Variants in RAB11FIP3 observed in about 807,000 individuals in gnomAD.
RAB11FIP3 encodes rab11 family-interacting protein 3.
In RAB11FIP3, 17 loss-of-function variants were observed where a neutral mutation model predicts 77.8. The observed-to-expected ratio is 0.22, with a 90% CI of 0.15 to 0.33. RAB11FIP3 has a LOEUF of 0.33. RAB11FIP3 is among the 10% of genes least tolerant of loss of function. RAB11FIP3 has a pLI of 1.00. For missense variants in RAB11FIP3, 1,005 were observed against 1,011.2 expected (o/e 0.99, Z 0.08); for synonymous variants, 437 against 448.2 (o/e 0.98, Z 0.31).
intron 9 of RAB11FIP3, among the ~76,000 whole-genome samples, chr16:516,777 T>G (rs1434658322): frequency 2.6e-5 from 4 of 152,262 alleles, no homozygotes; most frequent in Non-Finnish European, 4.4e-5. Context: ...TTCGGGAGGC[T>G]GAGGCAGGAG....
At chr16:487,886 G>A (rs1433420419) in intron 4 of RAB11FIP3, among the ~76,000 whole-genome samples, 6 of 152,066 alleles carry the variant, frequency 3.9e-5, no homozygotes, top group Non-Finnish European at 7.3e-5. Context: ...TTTGAACGGC[G>A]CCCCCCAGTG....
chr16:494,228 G>A (rs1004388175), intron 5 of RAB11FIP3, among the ~76,000 whole-genome samples: 6 of 151,284 alleles, frequency 4.0e-5, no homozygotes, highest in African/African-American at 1.2e-4. Flanking sequence ...CTGTTGCTGG[G>A]CTGCCAGTCC....
At position 488,746 on chromosome 16, in the gene RAB11FIP3, C is replaced by G. The variant is rs1055037879; in HGVS notation, c.1116-105C>G. 21 of 1,079,008 alleles carry G rather than the reference C, an allele frequency of 1.9e-5. No homozygotes were observed. The South Asian group carries it at 3.0e-4, about 16-fold the overall frequency. 66.8% of individuals were successfully genotyped at this position (1,079,008 alleles called of 1,614,324 possible). On this transcript the variant is annotated intron_variant, in intron 4 of 13. Coordinates refer to ENST00000262305, the MANE Select transcript of RAB11FIP3 (RefSeq NM_014700.4). ...TTTTTTAAACGTGGCTCCCAGGACT[C>G]ACGTGTGGCTTGTAGCACACCCTAT...
rs747987108 is a variant in RAB11FIP3, at chr16:520,109, G to T, written c.1861-13G>T. The T allele has an allele frequency of 5.8e-6, 9 of 1,544,724 alleles. No individual in the cohort carries two copies. In the East Asian group the frequency reaches 2.2e-4, roughly 38 times the overall value. ...GCCCAGGCCCCCCGGCTCACTGCAC[G>T]GTTGCCCTGCAGCTGATCGAGGACC... On this transcript the variant is annotated splice_polypyrimidine_tract_variant and intron_variant, in intron 11 of 13. Coordinates refer to ENST00000262305, the MANE Select transcript of RAB11FIP3 (RefSeq NM_014700.4).
intron 1 of RAB11FIP3, among the ~76,000 whole-genome samples, chr16:439,849 T>C (rs1405578029): frequency 6.6e-6 from 1 of 151,742 alleles, no homozygotes; most frequent in Non-Finnish European, 1.5e-5. Flanking sequence ...ACAGTTGCAT[T>C]CTTTTTTTTT....
intron 9 of RAB11FIP3, among the ~76,000 whole-genome samples, chr16:518,376 C>T (rs1478696375): frequency 6.6e-6 from 1 of 152,214 alleles, no homozygotes; most frequent in African/African-American, 2.4e-5. Flanking sequence ...CCACTGTACT[C>T]GCCTTCAACT....
In RAB11FIP3 at chr16:454,124, G is replaced by T. The variant is rs192366207; in HGVS notation, c.715-7280G>T. On this transcript the variant is annotated intron_variant, in intron 1 of 13. Coordinates refer to ENST00000262305, the MANE Select transcript of RAB11FIP3 (RefSeq NM_014700.4). ...TCCAGGTGGTTGAAGCATCCAGTAG[G>T]CGGGTCTTTGTTCCTTGCTCACACA... Among the ~76,000 whole-genome samples the T allele has an allele frequency of 3.3e-5, 5 of 152,256 alleles. No homozygotes were observed. In the East Asian group the frequency reaches 9.7e-4, roughly 29 times the overall value.
chr16:517,039 A>G (rs1332714667), intron 9 of RAB11FIP3, among the ~76,000 whole-genome samples: 1 of 152,186 alleles, frequency 6.6e-6, no homozygotes, highest in African/African-American at 2.4e-5. Context: ...GACCTTGGCC[A>G]GGTGATCAGA....
intron 1 of RAB11FIP3, among the ~76,000 whole-genome samples, chr16:446,174 T>C (rs2055313710): frequency 6.6e-6 from 1 of 151,798 alleles, no homozygotes; most frequent in African/African-American, 2.4e-5. Flanking sequence ...AGCCCAAGAG[T>C]TTGAAGCTGC....
At chr16:474,073 T>C (rs754692287) in intron 3 of RAB11FIP3, among the ~76,000 whole-genome samples, 24 of 152,082 alleles carry the variant, frequency 1.6e-4, no homozygotes, top group Non-Finnish European at 3.2e-4. Context: ...GTGAAACTTA[T>C]GGAAAATTTG....
In RAB11FIP3 at chr16:425,867, G is replaced by C. The variant is rs1473884181; in HGVS notation, c.-140G>C. 1 of 243,516 alleles carries C rather than the reference G, an allele frequency of 4.1e-6. No homozygotes were observed. Among genetic ancestry groups the C allele is most frequent in the Non-Finnish European group, 7.7e-6 (1 of 130,556 alleles). 15.1% of individuals were successfully genotyped at this position (243,516 alleles called of 1,614,324 possible). A position where few individuals can be genotyped will look rare whatever the true frequency, so the allele number is the denominator to read the frequency against. Reference sequence around the variant, plus strand: ...CGAAGATGGGCGAGGACAGAGCAGGGCCCGAGCGCCAGCCCCAGCAGCCCG... The same window carrying C: ...CGAAGATGGGCGAGGACAGAGCAGGCCCCGAGCGCCAGCCCCAGCAGCCCG... On this transcript the variant is annotated 5_prime_UTR_variant, in exon 1 of 14. Coordinates refer to ENST00000262305, the MANE Select transcript of RAB11FIP3 (RefSeq NM_014700.4).
At chr16:515,697 C>G (rs2032377639) in intron 9 of RAB11FIP3, among the ~76,000 whole-genome samples, 4 of 151,716 alleles carry the variant, frequency 2.6e-5, no homozygotes, top group Admixed American at 2.0e-4. Context: ...GCGACACGCA[C>G]CGGTGTTTGC....
In RAB11FIP3 at chr16:500,687, CAAAAAAAAAAAA is replaced by C. The variant is rs56771770; in HGVS notation, c.1302-2299_1302-2288del. Among the ~76,000 whole-genome samples the C allele has an allele frequency of 4.7e-3, 104 of 22,304 alleles. 3 individuals carry two copies. The highest frequency in any genetic ancestry group is 0.023 in the African/African-American group (92 of 4,004). 14.6% of individuals were successfully genotyped at this position (22,304 alleles called of 152,430 possible). ...CAGGTGACAGTGCAAGACTCTGTCG[CAAAAAAAAAAAA>C]AAAAAAAAAAAAAAAAATTAAATAA... On this transcript the variant is annotated intron_variant, in intron 6 of 13. Coordinates refer to ENST00000262305, the MANE Select transcript of RAB11FIP3 (RefSeq NM_014700.4).
intron 4 of RAB11FIP3, among the ~76,000 whole-genome samples, chr16:487,255 C>G (rs149288708): frequency 6.6e-6 from 1 of 152,032 alleles, no homozygotes; most frequent in Non-Finnish European, 1.5e-5. Context: ...CTCAGCCTCC[C>G]GAGTAGCTGG....
rs1215704260 is a variant in RAB11FIP3, at chr16:461,174, G to T, written c.715-230G>T. Among the ~76,000 whole-genome samples, 1 of 152,140 alleles carries T rather than the reference G, an allele frequency of 6.6e-6. No individual in the cohort carries two copies. The highest frequency in any genetic ancestry group is 1.5e-5 in the Non-Finnish European group (1 of 68,018). On this transcript the variant is annotated intron_variant, in intron 1 of 13. Transcript: ENST00000262305. This position sits in a 1 kb window ranked among gnomAD's most constrained non-coding sequence, Gnocchi z 4.5. ...GAGTCTCATAAGGAGCGCGCAACCT[G>T]GACCCCTCGCATGCGGAGCACACAG...
rs528167945 is a variant in RAB11FIP3 at position 449,209 on chromosome 16, T to A, written c.715-12195T>A. 1.2e-3 allele frequency among the ~76,000 whole-genome samples: 178 copies of A among 152,250 alleles called. 3 individuals carry two copies. Among genetic ancestry groups the A allele is most frequent in the Admixed American group, 0.011 (162 of 15,280 alleles). ...TCCTCCTCCAGGCCTGTGCAGTAGC[T>A]ATTCCCTCTGCCTGGAATATGCAGT... is the stretch of plus-strand genomic sequence containing the variant. On this transcript the variant is annotated intron_variant, in intron 1 of 13. Transcript: ENST00000262305.
chr16:442,760 A>G (rs1025248367), intron 1 of RAB11FIP3, among the ~76,000 whole-genome samples: 1 of 152,128 alleles, frequency 6.6e-6, no homozygotes, highest in Non-Finnish European at 1.5e-5. Flanking sequence ...GCCTTTGACC[A>G]ATTAAGAGAG....
chr16:487,436 C>T (rs1011412766), intron 4 of RAB11FIP3, among the ~76,000 whole-genome samples: 7 of 152,066 alleles, frequency 4.6e-5, no homozygotes, highest in Non-Finnish European at 1.0e-4. Flanking sequence ...TTTAAGCCTG[C>T]GTGTTTGAGG....
chr16:437,570 C>CAAAAAAAA lies in RAB11FIP3; in HGVS notation c.714+10865_714+10872dup, dbSNP rs34184576. On this transcript the variant is annotated intron_variant, in intron 1 of 13. Transcript: ENST00000262305. Reference sequence around the variant, plus strand: ...GGACAACAAGGGTGAAACTCCATCTCAAAAAAAAAAAAAAAAAAAAAAGTC... The same window carrying CAAAAAAAA: ...GGACAACAAGGGTGAAACTCCATCTCAAAAAAAAAAAAAAAAAAAAAAAAAAAAAAGTC... Among the ~76,000 whole-genome samples the CAAAAAAAA allele has an allele frequency of 3.4e-5, 2 of 58,986 alleles. 1 individual carries two copies. Among genetic ancestry groups the CAAAAAAAA allele is most frequent in the Non-Finnish European group, 5.9e-5 (2 of 34,178 alleles). 38.7% of individuals were successfully genotyped at this position (58,986 alleles called of 152,430 possible).
Sources: allele counts gnomAD v4.1 joint callset (sites outside exome capture counted in the v4.1 genomes callset), GRCh38; gene constraint gnomAD v4.1.1; non-coding constraint Gnocchi (gnomAD v3.1); transcripts MANE v1.5; gene names NCBI Gene and HGNC (gene_info 2026-07-23, HGNC 2026-07-21).